Variants in CCDC85A observed in about 807,000 individuals in gnomAD.
The protein encoded by CCDC85A is coiled-coil domain containing 85A.
A neutral mutation model predicts 50.2 loss-of-function variants in CCDC85A; 38 were observed. The observed-to-expected ratio is 0.76, with a 90% CI of 0.58 to 0.99. The LOEUF is 0.99. Ranked by LOEUF, CCDC85A falls within the 50% of genes least tolerant of loss-of-function variation. The pLI, the probability that CCDC85A is intolerant of heterozygous loss-of-function variation, is 0.00. For synonymous variants in CCDC85A, 366 were observed against 301.4 expected, an observed-to-expected ratio of 1.21 and a Z score of -2.22; for missense variants, 820 against 742.0, an observed-to-expected ratio of 1.11 and a Z score of -1.22.
intron 2 of CCDC85A, among the ~76,000 whole-genome samples, chr2:56,222,030 TTCTTAATCCA>T (rs929693469): frequency 5.3e-5 from 8 of 152,060 alleles, no homozygotes; most frequent in Non-Finnish European, 7.4e-5. Flanking sequence ...CGTGATAATA[TTCTTAATCCA>T]TTCATGAGGA....
At chr2:56,227,781 T>G (rs969919851) in intron 2 of CCDC85A, among the ~76,000 whole-genome samples, 2 of 152,082 alleles carry the variant, frequency 1.3e-5, no homozygotes, top group Admixed American at 6.6e-5. Flanking sequence ...TGGTCCAGTC[T>G]CTCTTTCCTG....
Position 56,375,876 on chromosome 2 carries a change from A to T in CCDC85A, c.1513A>T (p.Ser505Cys). 6.2e-7 allele frequency: 1 copy of T among 1,613,838 alleles called. No homozygotes were observed. Among genetic ancestry groups the T allele is most frequent in the Non-Finnish European group, 8.5e-7 (1 of 1,179,800 alleles). ...GSNSSPNSAA[S>C]FSGHATPSQQ... ...TAACAGTTCACCCAACTCTGCAGCTAGCTTCAGTGGACATGCCACACCTTC... is the reference window on the plus strand; with the variant it reads ...TAACAGTTCACCCAACTCTGCAGCTTGCTTCAGTGGACATGCCACACCTTC... Residue 505 changes from serine (S) to cysteine (C), a missense_variant, in exon 5 of 6, where the codon AGC (serine) becomes TGC (cysteine). Transcript: ENST00000407595.
At chr2:56,230,427 C>T (rs1225497819) in intron 2 of CCDC85A, among the ~76,000 whole-genome samples, 2 of 152,142 alleles carry the variant, frequency 1.3e-5, no homozygotes, top group African/African-American at 4.8e-5. Context: ...GACTCATTCC[C>T]TTTTATAGGC....
At chr2:56,307,934 T>C (rs970368617) in intron 2 of CCDC85A, among the ~76,000 whole-genome samples, 6 of 152,354 alleles carry the variant, frequency 3.9e-5, no homozygotes, top group Non-Finnish European at 8.8e-5. Context: ...AAAGCCTTTC[T>C]GAACACAGCT....
chr2:56,183,889 G>A, upstream of CCDC85A: 1 of 985,394 alleles, frequency 1.0e-6, no homozygotes, highest in Non-Finnish European at 1.2e-6. Context: ...CCCGGGCAGC[G>A]GTCGAGTGGC....
intron 2 of CCDC85A, among the ~76,000 whole-genome samples, chr2:56,200,623 T>C (rs1481269325): frequency 2.6e-5 from 4 of 152,182 alleles, no homozygotes; most frequent in Non-Finnish European, 5.9e-5. Context: ...AGAGGATCCT[T>C]TAGCAGCAGA....
intron 1 of CCDC85A, among the ~76,000 whole-genome samples, chr2:56,191,064 G>C (rs578057471): frequency 5.4e-4 from 82 of 152,224 alleles, no homozygotes; most frequent in African/African-American, 2.0e-3. Flanking sequence ...TTGAGCTCTT[G>C]CTCTCATGCT....
At chr2:56,268,594 C>CAAAAAA (rs59245276) in intron 2 of CCDC85A, among the ~76,000 whole-genome samples, 8 of 102,222 alleles carry the variant, frequency 7.8e-5, no homozygotes, top group East Asian at 2.5e-4. Flanking sequence ...GATTCCGTCT[C>CAAAAAA]AAAAAAAAAA....
intron 3 of CCDC85A, among the ~76,000 whole-genome samples, chr2:56,345,962 T>C (rs1219608224): frequency 6.6e-6 from 1 of 152,174 alleles, no homozygotes; most frequent in Admixed American, 6.5e-5. Context: ...TCCTTTTCAC[T>C]CCCAAATTTA....
intron 2 of CCDC85A, among the ~76,000 whole-genome samples, chr2:56,335,250 T>C (rs764073034): frequency 6.6e-6 from 1 of 152,178 alleles, no homozygotes; most frequent in Non-Finnish European, 1.5e-5. Flanking sequence ...ATTTTTAAAA[T>C]ACACAGTTCT....
chr2:56,342,123 A>C (rs1160382322), intron 2 of CCDC85A, among the ~76,000 whole-genome samples: 1 of 152,072 alleles, frequency 6.6e-6, no homozygotes, highest in Non-Finnish European at 1.5e-5. Flanking sequence ...ATTGTCTTCA[A>C]GATGCCTATT....
At chr2:56,260,857 A>G (rs1487689561) in intron 2 of CCDC85A, among the ~76,000 whole-genome samples, 1 of 152,234 alleles carries the variant, frequency 6.6e-6, no homozygotes, top group East Asian at 1.9e-4. Context: ...TTTAGCCAGA[A>G]TTGTCTCTCT....
In CCDC85A at chr2:56,192,071, G is replaced by T. The variant is rs2103823036; in HGVS notation, c.277-406G>T. On this transcript the variant is annotated intron_variant, in intron 1 of 5. Transcript: ENST00000407595. The surrounding 1 kb of genome is among the most constrained non-coding windows in gnomAD (Gnocchi z 4.7). ...GATGAACTTGGACAAGTGAAGCTTT[G>T]TGAGGTCCGATTTCCTCTTCTGTAT... Among the ~76,000 whole-genome samples the T allele has an allele frequency of 6.6e-6, 1 of 152,212 alleles. No individual in the cohort carries two copies. Among genetic ancestry groups the T allele is most frequent in the Middle Eastern group, 3.4e-3 (1 of 294 alleles).
At chr2:56,269,206 G>C (rs564582639) in intron 2 of CCDC85A, among the ~76,000 whole-genome samples, 2 of 152,244 alleles carry the variant, frequency 1.3e-5, no homozygotes, top group African/African-American at 4.8e-5. Context: ...AGGACCCATA[G>C]CAATAACTTA....
At chr2:56,317,888 ACT>A (rs748932272) in intron 2 of CCDC85A, among the ~76,000 whole-genome samples, 4 of 151,908 alleles carry the variant, frequency 2.6e-5, no homozygotes, top group Non-Finnish European at 5.9e-5. Flanking sequence ...TGATCGCTTC[ACT>A]CTCTCCTTGA....
At position 56,321,166 on chromosome 2, in the gene CCDC85A, A is replaced by C. The variant is rs570050203; in HGVS notation, c.1241-21713A>C. Among the ~76,000 whole-genome samples, 4 of 152,288 alleles carry C rather than the reference A, an allele frequency of 2.6e-5. No individual in the cohort carries two copies. In the East Asian group the frequency reaches 7.7e-4, roughly 29 times the overall value. ...CAAAATAAGAAGAGCTATTTATGAC[A>C]AACCCACAGCCAATATCATACTGAA... On this transcript the variant is annotated intron_variant, in intron 2 of 5. Transcript: ENST00000407595.
intron 2 of CCDC85A, among the ~76,000 whole-genome samples, chr2:56,218,689 C>G (rs1558589743): frequency 6.6e-6 from 1 of 151,814 alleles, no homozygotes; most frequent in East Asian, 1.9e-4. Flanking sequence ...AGGATTCTAT[C>G]CCAGACTACC....
chr2:56,205,389 GT>G (rs1300537372), intron 2 of CCDC85A, among the ~76,000 whole-genome samples: 1 of 150,468 alleles, frequency 6.6e-6, no homozygotes, highest in East Asian at 1.9e-4. Flanking sequence ...CTAGTTTGGA[GT>G]AAGGCTCTTC....
intron 2 of CCDC85A, among the ~76,000 whole-genome samples, chr2:56,219,664 G>A (rs1341431220): frequency 1.3e-5 from 2 of 151,732 alleles, no homozygotes; most frequent in Admixed American, 1.3e-4. Context: ...AGATCTATGT[G>A]TATAATACCT....
Sources: gnomAD v4.1 joint callset for allele counts (sites outside exome capture counted in the v4.1 genomes callset) on GRCh38, gnomAD v4.1.1 for gene constraint, Gnocchi (gnomAD v3.1) non-coding constraint, MANE v1.5 for transcripts, NCBI Gene and HGNC (gene_info 2026-07-23, HGNC 2026-07-21) for gene names.